RPH3A: variants seen among roughly 807,000 people sequenced by gnomAD.
The protein encoded by RPH3A is rabphilin-3A.
RPH3A carries 48 observed loss-of-function variants against 102.2 expected under a neutral mutation model. The observed-to-expected ratio is 0.47, with a 90% CI of 0.37 to 0.60. The LOEUF is 0.60. RPH3A is among the 20% of genes least tolerant of loss of function. RPH3A has a pLI of 0.00. For synonymous variants in RPH3A, 310 were observed against 324.3 expected (o/e 0.96, Z 0.47); for missense variants, 781 against 910.1 (o/e 0.86, Z 1.83).
At chr12:112,727,493 A>ACAC (rs1284810799) in intron 1 of RPH3A, among the ~76,000 whole-genome samples, 25 of 41,622 alleles carry the variant, frequency 6.0e-4, no homozygotes, top group Non-Finnish European at 9.5e-4. Context: ...ACACACACAG[A>ACAC]CCCCCCCCCC....
chr12:112,652,224 C>T (rs1353180698), intron 1 of RPH3A, among the ~76,000 whole-genome samples: 1 of 152,002 alleles, frequency 6.6e-6, no homozygotes, highest in Non-Finnish European at 1.5e-5. Flanking sequence ...ACCTATAATC[C>T]CAGCACTTTG....
intron 1 of RPH3A, among the ~76,000 whole-genome samples, chr12:112,771,142 G>T (rs2040924854): frequency 6.6e-6 from 1 of 152,174 alleles, no homozygotes; most frequent in East Asian, 1.9e-4. Flanking sequence ...TCTCGTATGT[G>T]TCCTGTTGCC....
At chr12:112,732,838 A>G (rs1026300860) in intron 1 of RPH3A, among the ~76,000 whole-genome samples, 5 of 152,098 alleles carry the variant, frequency 3.3e-5, no homozygotes, top group African/African-American at 9.7e-5. Context: ...TTGAAGGTGG[A>G]TCTAGAGTGT....
rs570827297 is a variant in RPH3A, at chr12:112,868,522, G to A, written c.537G>A (p.Gln179=). The part of the protein sequence containing the change: ...PMPIKKTKPQ[Q]PVSEPAAPEQ... ...CTATAAAGAAGACCAAGCCCCAGCA[G>A]CCTGTCAGTGAGCCTGCTGCCCCTG... The change falls in exon 8 of 22, where the codon CAG becomes CAA. Residue 179 remains glutamine, a synonymous_variant. Transcript: ENST00000389385. 7.4e-5 allele frequency: 119 copies of A among 1,614,156 alleles called. No homozygotes were observed. The highest frequency in any genetic ancestry group is 4.9e-4 in the Middle Eastern group (3 of 6,062).
chr12:112,788,713 C>T (rs1308048266), upstream of RPH3A, among the ~76,000 whole-genome samples: 4 of 152,184 alleles, frequency 2.6e-5, no homozygotes. Flanking sequence ...GAGAGGCCCT[C>T]CCAGAATACA....
chr12:112,714,320 C>A (rs1049785080), intron 1 of RPH3A, among the ~76,000 whole-genome samples: 1 of 152,000 alleles, frequency 6.6e-6, no homozygotes, highest in Non-Finnish European at 1.5e-5. Flanking sequence ...ATTCATGAGG[C>A]GAGGAGCTGA....
At chr12:112,719,756 G>T (rs930178128) in intron 1 of RPH3A, among the ~76,000 whole-genome samples, 8 of 152,176 alleles carry the variant, frequency 5.3e-5, no homozygotes, top group Non-Finnish European at 1.2e-4. Context: ...TAACAGAGAA[G>T]ATGGGAGAAG....
chr12:112,843,662 G>A (rs989819721), intron 4 of RPH3A, among the ~76,000 whole-genome samples: 2 of 152,196 alleles, frequency 1.3e-5, no homozygotes, highest in African/African-American at 2.4e-5. Context: ...TGTGTCCTTG[G>A]AGGGTCTTCA....
Position 112,877,117 on chromosome 12 carries a change from T to C in RPH3A, c.1171+251T>C, listed in dbSNP as rs1040171204. On this transcript the variant is annotated intron_variant, in intron 13 of 21. Coordinates refer to ENST00000389385, the MANE Select transcript of RPH3A (RefSeq NM_001143854.2). ...AATACAAATAACATCAATGGTACCA[T>C]GTAAATCATTTTAAAGATTGCAATT... is the stretch of plus-strand genomic sequence containing the variant. Among the ~76,000 whole-genome samples the C allele has an allele frequency of 3.9e-5, 6 of 152,192 alleles. No homozygotes were observed. The East Asian group carries it at 1.2e-3, about 29-fold the overall frequency.
intron 1 of RPH3A, among the ~76,000 whole-genome samples, chr12:112,647,603 GTA>G (rs1566241441): frequency 2.2e-5 from 3 of 135,056 alleles, no homozygotes; most frequent in South Asian, 4.6e-4. Context: ...GTGTGTGTGT[GTA>G]TGTGTGTGTG....
chr12:112,681,794 C>A (rs1240737362), intron 1 of RPH3A, among the ~76,000 whole-genome samples: 1 of 152,218 alleles, frequency 6.6e-6, no homozygotes, highest in Non-Finnish European at 1.5e-5. Flanking sequence ...CTTGGGCAAG[C>A]AGATAAAAGT....
chr12:112,678,244 A>G (rs1369385372), intron 1 of RPH3A, among the ~76,000 whole-genome samples: 1 of 14,052 alleles, frequency 7.1e-5, no homozygotes, highest in South Asian at 1.2e-3. Context: ...AAAGAAAGAA[A>G]GAAAGAAAGA....
At chr12:112,656,348 A>G (rs2136000319) in intron 1 of RPH3A, among the ~76,000 whole-genome samples, 1 of 152,328 alleles carries the variant, frequency 6.6e-6, no homozygotes, top group East Asian at 1.9e-4. Flanking sequence ...TGCAGATGCC[A>G]TTTATATACT....
At chr12:112,831,490 C>A (rs529266187) in intron 3 of RPH3A, among the ~76,000 whole-genome samples, 41 of 152,180 alleles carry the variant, frequency 2.7e-4, no homozygotes, top group African/African-American at 9.1e-4. Context: ...ACATACGACT[C>A]TTCTCTAGTA....
chr12:112,713,100 CTT>C lies in RPH3A; in HGVS notation c.-139-79040_-139-79039del, dbSNP rs560010256. 8.8e-5 allele frequency among the ~76,000 whole-genome samples: 8 copies of C among 91,260 alleles called. No individual in the cohort carries two copies. In the East Asian group the frequency reaches 9.0e-4, roughly 10 times the overall value. The allele number at this position is 91,260 out of a possible 152,430, so 59.9% of individuals were successfully genotyped here. A position where few individuals can be genotyped will look rare whatever the true frequency, so the allele number is the denominator to read the frequency against. On this transcript the variant is annotated intron_variant, in intron 1 of 21. Transcript: ENST00000543106. ...TCTTCTTCTTCTTCTTCTTCTTCTTCTTTTATTTTTTTGTAGAGAAAGGGTCT... is the reference window on the plus strand; with the variant it reads ...TCTTCTTCTTCTTCTTCTTCTTCTTCTTATTTTTTTGTAGAGAAAGGGTCT...
chr12:112,796,227 CT>C (rs2041227573), intron 2 of RPH3A, among the ~76,000 whole-genome samples: 1 of 152,208 alleles, frequency 6.6e-6, no homozygotes, highest in Non-Finnish European at 1.5e-5. Flanking sequence ...ACCACTCAGT[CT>C]TTTGTTCCTT....
At chr12:112,629,261 G>A (rs1424188404) in intron 1 of RPH3A, among the ~76,000 whole-genome samples, 1 of 152,090 alleles carries the variant, frequency 6.6e-6, no homozygotes, top group Non-Finnish European at 1.5e-5. Context: ...CCTGTGATGA[G>A]ATAGTTACTT....
chr12:112,704,092 C>CTT (rs764997927), intron 1 of RPH3A, among the ~76,000 whole-genome samples: 2 of 146,016 alleles, frequency 1.4e-5, no homozygotes, highest in Non-Finnish European at 3.0e-5. Flanking sequence ...TCTTCTTCTT[C>CTT]TTTTTTTTTT....
intron 1 of RPH3A, among the ~76,000 whole-genome samples, chr12:112,598,244 A>T (rs116660249): frequency 1.3e-5 from 2 of 152,230 alleles, no homozygotes; most frequent in Non-Finnish European, 2.9e-5. Flanking sequence ...GAGGAAAGCT[A>T]CAAGGAGTGT....
Sources: gnomAD v4.1 joint callset for allele counts (sites outside exome capture counted in the v4.1 genomes callset) on GRCh38, gnomAD v4.1.1 for gene constraint, MANE v1.5 for transcripts, NCBI Gene and HGNC (gene_info 2026-07-23, HGNC 2026-07-21) for gene names.